The following CARD10 variants were observed in gnomAD, a reference collection of about 807,000 sequenced individuals.
CARD10 encodes caspase recruitment domain-containing protein 10.
CARD10 carries 49 observed loss-of-function variants against 114.6 expected under a neutral mutation model. That is an observed-to-expected ratio of 0.43 (90% CI 0.34 to 0.54). The LOEUF is 0.54. Ranked by LOEUF, CARD10 falls within the 20% of genes least tolerant of loss-of-function variation. The probability of loss-of-function intolerance (pLI) is 0.03; values close to 1 mark genes in which losing one functional copy is unlikely to be tolerated. For missense variants in CARD10, 1,206 were observed against 1,397.2 expected (o/e 0.86, Z 2.18); for synonymous variants, 602 against 593.2 (o/e 1.01, Z -0.21).
Position 37,519,058 on chromosome 22 carries a change from G to T in CARD10, c.143C>A (p.Thr48Lys). 1 of 1,594,828 alleles carries T rather than the reference G, an allele frequency of 6.3e-7. No individual in the cohort carries two copies. Among genetic ancestry groups the T allele is most frequent in the Non-Finnish European group, 8.5e-7 (1 of 1,177,376 alleles). ...GACCCGGCACTGGCGCAGATACGGC[G>T]TGAGCTTGGCCGGGTTCAGGGCGCG... is the stretch of plus-strand genomic sequence containing the variant. Reference protein sequence around the residue: ...LARALNPAKLTPYLRQCRVID... With the variant: ...LARALNPAKLKPYLRQCRVID... The change falls in exon 1 of 20, where the codon ACG (threonine) becomes AAG (lysine). Residue 48 changes from threonine (T) to lysine (K), a missense_variant. This residue lies in a region of CARD10 where 138 missense variants were observed against 218.0 expected (regional missense o/e 0.63). Coordinates refer to ENST00000251973, the MANE Select transcript of CARD10 (RefSeq NM_014550.4). The surrounding 1 kb of genome is among the most constrained non-coding windows in gnomAD (Gnocchi z 4.1).
At chr22:37,503,378 G>A (rs886131615) in intron 9 of CARD10, among the ~76,000 whole-genome samples, 165 bp from the exon 10 acceptor site, 6 of 152,154 alleles carry the variant, frequency 3.9e-5, no homozygotes, top group African/African-American at 1.4e-4. Flanking sequence ...ATGCCACCTG[G>A]CTCCCCTAAA....
chr22:37,491,700 G>A (rs1922803909), intron 19 of CARD10, 55 bp downstream of exon 19: 1 of 860,304 alleles, frequency 1.2e-6, no homozygotes, highest in African/African-American at 1.9e-5. Context: ...GCATCCTCAA[G>A]GAGGAAGCTC....
intron 11 of CARD10, among the ~76,000 whole-genome samples, chr22:37,500,326 G>A (rs375801862): frequency 3.5e-4 from 54 of 152,302 alleles, no homozygotes; most frequent in Non-Finnish European, 5.0e-4. Flanking sequence ...CCACGTGAGC[G>A]AGCTGGGCAG....
Position 37,504,628 on chromosome 22 carries a change from G to C in CARD10, c.1518+7C>G. 6.8e-7 allele frequency: 1 copy of C among 1,480,556 alleles called. No individual in the cohort carries two copies. The highest frequency in any genetic ancestry group is 1.5e-5 in the South Asian group (1 of 68,362). The allele number at this position is 1,480,556 out of a possible 1,614,324, so 91.7% of individuals were successfully genotyped here. On this transcript the variant is annotated splice_region_variant and intron_variant, in intron 8 of 19. Coordinates refer to ENST00000251973, the MANE Select transcript of CARD10 (RefSeq NM_014550.4). ...CCCCCTTATTTGGGATGGGGCAGTT[G>C]TCTTACCGAGTTGTGAGGCTCAGGT...
At position 37,496,325 on chromosome 22, in the gene CARD10, CAGG is replaced by C. The variant is rs1923002206; in HGVS notation, c.2059+121_2059+123del. 4.3e-6 allele frequency: 3 copies of C among 696,698 alleles called. No homozygotes were observed. Among genetic ancestry groups the C allele is most frequent in the Non-Finnish European group, 7.2e-6 (3 of 415,560 alleles). 43.2% of individuals were successfully genotyped at this position (696,698 alleles called of 1,614,324 possible). On this transcript the variant is annotated intron_variant, in intron 13 of 19. Transcript: ENST00000251973. This position sits in a 1 kb window ranked among gnomAD's most constrained non-coding sequence, Gnocchi z 4.1. ...AAGGAGGCATCAGCAGGCGGGGAGC[CAGG>C]AGAAGGGCAATTGGGGCAAGGCTGG...
chr22:37,506,182 A>C lies in CARD10; in HGVS notation c.1383+10T>G. ...TCCTGCCAGGACCTCCACAATCTTG[A>C]CCCGCTCACCTTGAGGCAGGTGCCA... On this transcript the variant is annotated intron_variant, in intron 7 of 19. Coordinates refer to ENST00000251973, the MANE Select transcript of CARD10 (RefSeq NM_014550.4). 1.3e-6 allele frequency: 2 copies of C among 1,522,082 alleles called. No individual in the cohort carries two copies. Among genetic ancestry groups the C allele is most frequent in the Non-Finnish European group, 1.8e-6 (2 of 1,128,850 alleles). 94.3% of individuals were successfully genotyped at this position (1,522,082 alleles called of 1,614,324 possible).
chr22:37,503,285 T>G (rs1272491963), intron 9 of CARD10, 72 bp from the exon 10 acceptor site: 31 of 1,424,828 alleles, frequency 2.2e-5, no homozygotes, highest in Non-Finnish European at 2.8e-5. Context: ...TCCCTCCTCC[T>G]GCCCCCACAC....
intron 6 of CARD10, among the ~76,000 whole-genome samples, chr22:37,506,950 T>C (rs1464204984): frequency 6.6e-6 from 1 of 152,244 alleles, no homozygotes; most frequent in Non-Finnish European, 1.5e-5. Flanking sequence ...ATTTGCACTT[T>C]CAAGCTTGCC....
intron 1 of CARD10, among the ~76,000 whole-genome samples, chr22:37,518,319 C>T (rs565967902): frequency 8.3e-4 from 127 of 152,298 alleles, no homozygotes; most frequent in Non-Finnish European, 9.3e-4. Flanking sequence ...CCTGGGCTCC[C>T]AGAGCTCCCC....
chr22:37,504,872 C>G (rs1295955929), intron 7 of CARD10, 103 bp from the exon 8 acceptor site: 6 of 583,044 alleles, frequency 1.0e-5, no homozygotes, highest in Non-Finnish European at 1.6e-5. Flanking sequence ...GGACAGATCC[C>G]TGTCCTCAGG....
At chr22:37,506,997 G>A (rs1483448995) in intron 6 of CARD10, among the ~76,000 whole-genome samples, 2 of 152,212 alleles carry the variant, frequency 1.3e-5, no homozygotes, top group African/African-American at 2.4e-5. Context: ...TGCAGACTTC[G>A]GCTGGGCATG....
At chr22:37,505,636 T>G (rs1230079390) in intron 7 of CARD10, among the ~76,000 whole-genome samples, 1 of 133,210 alleles carries the variant, frequency 7.5e-6, no homozygotes, top group Non-Finnish European at 1.6e-5. Flanking sequence ...AGATTCTGTC[T>G]CAAAAAAAAA....
chr22:37,508,496 C>A, intron 5 of CARD10, 31 bp downstream of exon 5: 1 of 1,560,542 alleles, frequency 6.4e-7, no homozygotes, highest in South Asian at 1.2e-5. Context: ...CACCCTCCCG[C>A]ACAAGGGGCA....
chr22:37,508,445 CA>C, intron 5 of CARD10, 81 bp downstream of exon 5: 4 of 1,380,988 alleles, frequency 2.9e-6, no homozygotes, highest in Non-Finnish European at 3.9e-6. Flanking sequence ...CTGCGTCAAG[CA>C]GATGCTCAGG....
At position 37,492,776 on chromosome 22, in the gene CARD10, T is replaced by C; in HGVS notation, c.2503A>G (p.Ser835Gly). The change falls in exon 17 of 20, where the codon AGT becomes GGT. Residue 835 changes from serine (S) to glycine (G), a missense_variant. By Grantham distance (56) the Ser-to-Gly change is moderately conservative. This residue lies in a region of CARD10 where 1,068 missense variants were observed against 1,179.1 expected (regional missense o/e 0.91). Transcript: ENST00000251973. This position sits in a 1 kb window ranked among gnomAD's most constrained non-coding sequence, Gnocchi z 5.7. ...GACACCAGTAGCGGCCGCACCAAAC[T>C]GTAGGGTCTGAGGCTCCGCTCCGGC... ...AEPERSLRPY[S>G]LVRPLLVSAL... is the part of the protein sequence containing the mutation. 1.2e-6 allele frequency: 2 copies of C among 1,612,426 alleles called. No homozygotes were observed. Among genetic ancestry groups the C allele is most frequent in the Non-Finnish European group, 1.7e-6 (2 of 1,179,802 alleles).
chr22:37,496,419 C>T lies in CARD10; in HGVS notation c.2059+30G>A. Reference sequence around the variant, plus strand: ...ACGGGTTAGAGGACCCCTCTGGGGCCAACAGCTCCGACTCCCAAGCCAGAC... The same window carrying T: ...ACGGGTTAGAGGACCCCTCTGGGGCTAACAGCTCCGACTCCCAAGCCAGAC... On this transcript the variant is annotated intron_variant, in intron 13 of 19. Coordinates refer to ENST00000251973, the MANE Select transcript of CARD10 (RefSeq NM_014550.4). This position sits in a 1 kb window ranked among gnomAD's most constrained non-coding sequence, Gnocchi z 4.1. 6.5e-7 allele frequency: 1 copy of T among 1,540,976 alleles called. No homozygotes were observed. Among genetic ancestry groups the T allele is most frequent in the Non-Finnish European group, 9.0e-7 (1 of 1,115,630 alleles).
At chr22:37,518,788 G>A (rs1394026869) in intron 1 of CARD10, among the ~76,000 whole-genome samples, 178 bp downstream of exon 1, 1 of 152,216 alleles carries the variant, frequency 6.6e-6, no homozygotes, top group Non-Finnish European at 1.5e-5. Context: ...GACCGCCAAG[G>A]CGCAGTGGTG....
At chr22:37,512,365 C>G (rs1923681805) in intron 3 of CARD10, 1 of 151,890 alleles carries the variant, frequency 6.6e-6, no homozygotes, top group African/African-American at 2.4e-5. Flanking sequence ...GTGCTACAGT[C>G]AGGCATGCAA....
rs1923830814 is a variant in CARD10, at chr22:37,515,960, C to T, written c.699+13G>A. The T allele has an allele frequency of 6.4e-7, 1 of 1,556,432 alleles. No homozygotes were observed. Reference sequence around the variant, plus strand: ...CTTCCCTTGCCTCCCCGACCCATCTCCCCAGGGCCTACCGCCAGCTGCAGG... The same window carrying T: ...CTTCCCTTGCCTCCCCGACCCATCTTCCCAGGGCCTACCGCCAGCTGCAGG... On this transcript the variant is annotated intron_variant, in intron 3 of 19. Coordinates refer to ENST00000251973, the MANE Select transcript of CARD10 (RefSeq NM_014550.4).
Sources: gnomAD v4.1 joint callset for allele counts (sites outside exome capture counted in the v4.1 genomes callset) on GRCh38, gnomAD v4.1.1 for gene constraint, gnomAD v4.1.1 regional missense constraint, Gnocchi (gnomAD v3.1) non-coding constraint, MANE v1.5 for transcripts, NCBI Gene and HGNC (gene_info 2026-07-23, HGNC 2026-07-21) for gene names.